DCC: variants seen among roughly 807,000 people sequenced by gnomAD.
DCC encodes the protein DCC netrin 1 receptor, also known as netrin receptor DCC.
In DCC, 58 loss-of-function variants were observed where a neutral mutation model predicts 172.5. That is an observed-to-expected ratio of 0.34 (90% CI 0.27 to 0.42). The LOEUF (loss-of-function observed/expected upper bound fraction) is 0.42, where lower values mean the gene tolerates loss of function less well. DCC is among the 10% of genes least tolerant of loss of function. DCC has a pLI of 1.00. For missense variants in DCC, 1,740 were observed against 1,791.0 expected (o/e 0.97, Z 0.51); for synonymous variants, 709 against 644.5 (o/e 1.10, Z -1.52).
At chr18:52,574,600 T>A (rs1349486978) in intron 1 of DCC, among the ~76,000 whole-genome samples, 1 of 152,198 alleles carries the variant, frequency 6.6e-6, no homozygotes, top group East Asian at 1.9e-4. Flanking sequence ...AAATTTCACT[T>A]GAATAAATTC....
intron 21 of DCC, among the ~76,000 whole-genome samples, chr18:53,423,440 T>C (rs1271976300): frequency 2.0e-5 from 3 of 152,130 alleles, no homozygotes; most frequent in Non-Finnish European, 4.4e-5. Flanking sequence ...GTCTCTTTCC[T>C]GGTGTCATGG....
intron 12 of DCC, among the ~76,000 whole-genome samples, chr18:53,228,788 C>A (rs1442602588): frequency 6.6e-6 from 1 of 152,240 alleles, no homozygotes; most frequent in African/African-American, 2.4e-5. Flanking sequence ...AGGAACATAA[C>A]AATACCTTAA....
chr18:52,461,105 C>A (rs185465130), intron 1 of DCC, among the ~76,000 whole-genome samples: 15 of 152,146 alleles, frequency 9.9e-5, no homozygotes, highest in Non-Finnish European at 1.8e-4. Flanking sequence ...TATTTTTATT[C>A]CTTTGGATCT....
intron 8 of DCC, among the ~76,000 whole-genome samples, chr18:53,163,761 G>T (rs1340124600): frequency 6.6e-6 from 1 of 152,100 alleles, no homozygotes. Context: ...TCCCCTCTTA[G>T]TACCTAAAAA....
At chr18:52,536,848 G>C (rs2032304277) in intron 1 of DCC, among the ~76,000 whole-genome samples, 2 of 152,168 alleles carry the variant, frequency 1.3e-5, no homozygotes, top group South Asian at 4.1e-4. Flanking sequence ...AATTTTTGCA[G>C]AGAAGTTTGG....
At chr18:53,085,974 C>T (rs1265459256) in intron 7 of DCC, among the ~76,000 whole-genome samples, 2 of 67,054 alleles carry the variant, frequency 3.0e-5, no homozygotes, top group Non-Finnish European at 2.8e-5. Flanking sequence ...TCTTCTTCTT[C>T]TTCTTCTTCT....
intron 14 of DCC, among the ~76,000 whole-genome samples, chr18:53,326,671 A>G (rs1349668736): frequency 6.6e-6 from 1 of 152,188 alleles, no homozygotes; most frequent in Non-Finnish European, 1.5e-5. Flanking sequence ...AAATGTTTAA[A>G]TCATAAAATA....
chr18:53,022,924 A>G (rs979993863), intron 5 of DCC, among the ~76,000 whole-genome samples: 20 of 152,142 alleles, frequency 1.3e-4, no homozygotes, highest in African/African-American at 4.6e-4. Context: ...TCCTAAGTCT[A>G]TGTCAATGAT....
intron 5 of DCC, among the ~76,000 whole-genome samples, chr18:52,971,339 T>C (rs1307257975): frequency 1.3e-5 from 2 of 152,126 alleles, no homozygotes; most frequent in South Asian, 4.1e-4. Flanking sequence ...CTCAGCACCA[T>C]TGGGATTGTG....
At chr18:52,824,326 A>G (rs572508777) in intron 2 of DCC, among the ~76,000 whole-genome samples, 1 of 152,312 alleles carries the variant, frequency 6.6e-6, no homozygotes, top group South Asian at 2.1e-4. Flanking sequence ...GAGAAAAGAA[A>G]AACAGTGGTT....
chr18:53,116,315 C>A (rs577052575), intron 7 of DCC, among the ~76,000 whole-genome samples: 98 of 151,736 alleles, frequency 6.5e-4, no homozygotes, highest in African/African-American at 2.3e-3. Context: ...GTTTAAATAC[C>A]CCCTAGAGGA....
At chr18:53,117,211 G>A (rs1176576008) in intron 7 of DCC, among the ~76,000 whole-genome samples, 1 of 151,680 alleles carries the variant, frequency 6.6e-6, no homozygotes, top group Non-Finnish European at 1.5e-5. Context: ...TATTTTGGCT[G>A]GATTGCATTG....
intron 12 of DCC, among the ~76,000 whole-genome samples, chr18:53,226,515 G>A (rs545533329): frequency 6.6e-6 from 1 of 152,242 alleles, no homozygotes; most frequent in Non-Finnish European, 1.5e-5. Context: ...GAGCACAACT[G>A]ATACCTCAAT....
rs560923048 is a variant in DCC, at chr18:53,059,527, T to C, written c.986-3778T>C. On this transcript the variant is annotated intron_variant, in intron 5 of 28. Transcript: ENST00000442544. Reference sequence around the variant, plus strand: ...ACCCAAGCCTGTATGTTTAGACCTTTTTAAGACCCTCTCCCATGTTATGTA... The same window carrying C: ...ACCCAAGCCTGTATGTTTAGACCTTCTTAAGACCCTCTCCCATGTTATGTA... Among the ~76,000 whole-genome samples, 3 of 152,242 alleles carry C rather than the reference T, an allele frequency of 2.0e-5. No individual in the cohort carries two copies. The East Asian group carries it at 5.8e-4, about 29-fold the overall frequency.
chr18:52,437,616 C>A (rs1298873664), intron 1 of DCC, among the ~76,000 whole-genome samples: 2 of 152,090 alleles, frequency 1.3e-5, no homozygotes, highest in African/African-American at 4.8e-5. Flanking sequence ...CTCCCTCTAA[C>A]TAGAGTTTTA....
chr18:53,120,079 A>T (rs1288954007), intron 7 of DCC, among the ~76,000 whole-genome samples: 3 of 151,846 alleles, frequency 2.0e-5, no homozygotes, highest in Admixed American at 1.3e-4. Context: ...GTCATGGTAT[A>T]TATCCAGCTG....
intron 1 of DCC, among the ~76,000 whole-genome samples, chr18:52,561,400 T>C (rs2033034644): frequency 6.6e-6 from 1 of 151,774 alleles, no homozygotes; most frequent in Non-Finnish European, 1.5e-5. Context: ...CACACACATA[T>C]ATAAATATAT....
At chr18:53,293,189 C>A (rs1482288688) in intron 12 of DCC, among the ~76,000 whole-genome samples, 8 of 152,130 alleles carry the variant, frequency 5.3e-5, no homozygotes, top group African/African-American at 1.9e-4. Flanking sequence ...GAGAGTAGAA[C>A]AATATGCATC....
intron 2 of DCC, among the ~76,000 whole-genome samples, chr18:52,799,680 C>A (rs968490163): frequency 3.9e-5 from 6 of 152,100 alleles, no homozygotes; most frequent in South Asian, 2.1e-4. Context: ...TCAAATGGCT[C>A]GGTGTCCAAG....
Sources: gnomAD v4.1 joint callset for allele counts (sites outside exome capture counted in the v4.1 genomes callset) on GRCh38, gnomAD v4.1.1 for gene constraint, MANE v1.5 for transcripts, NCBI Gene and HGNC (gene_info 2026-07-23, HGNC 2026-07-21) for gene names.